Variants in MGME1 observed in about 807,000 individuals in gnomAD.
The protein encoded by MGME1 is mitochondrial genome maintenance exonuclease 1.
MGME1 carries 22 observed loss-of-function variants against 33.0 expected under a neutral mutation model. The observed-to-expected ratio is 0.67, with a 90% CI of 0.48 to 0.95. The LOEUF (loss-of-function observed/expected upper bound fraction) is 0.95, where lower values mean the gene tolerates loss of function less well. MGME1 is among the 40% of genes least tolerant of loss of function. The pLI is 0.00. For synonymous variants in MGME1, 133 were observed against 144.0 expected, an observed-to-expected ratio of 0.92 and a Z score of 0.55; for missense variants, 383 against 397.8, an observed-to-expected ratio of 0.96 and a Z score of 0.32.
upstream of MGME1, chr20:17,968,754 A>C (rs2035624385): frequency 5.3e-6 from 2 of 374,416 alleles, no homozygotes; most frequent in Non-Finnish European, 9.8e-6. Flanking sequence ...CACGGACGGG[A>C]AGCAACGGAC....
In MGME1 at chr20:17,990,205, T is replaced by G. The variant is rs747038364; in HGVS notation, c.*96T>G. 18 of 1,026,440 alleles carry G rather than the reference T, an allele frequency of 1.8e-5. 2 individuals are homozygous for G. In the South Asian group the frequency reaches 2.2e-4, roughly 13 times the overall value. 63.6% of individuals were successfully genotyped at this position (1,026,440 alleles called of 1,614,324 possible). A position where few individuals can be genotyped will look rare whatever the true frequency, so the allele number is the denominator to read the frequency against. On this transcript the variant is annotated 3_prime_UTR_variant, in exon 5 of 5. Coordinates refer to ENST00000377710, the MANE Select transcript of MGME1 (RefSeq NM_052865.4). ...AGTGTAAAAATGAGGTGCCACTGGA[T>G]CTGAGTGCTACACGAACACAAGTAG...
intron 3 of MGME1, among the ~76,000 whole-genome samples, chr20:17,980,849 G>A (rs913735494): frequency 6.6e-6 from 1 of 151,636 alleles, no homozygotes; most frequent in African/African-American, 2.4e-5. Flanking sequence ...ATATAGATCT[G>A]TAACATTCTT....
chr20:17,985,369 G>A (rs1455048278), intron 3 of MGME1, among the ~76,000 whole-genome samples: 1 of 152,014 alleles, frequency 6.6e-6, no homozygotes, highest in African/African-American at 2.4e-5. Flanking sequence ...GTTGCAGTGA[G>A]CCAAAATTGT....
At chr20:17,972,383 C>T (rs6080920) in intron 2 of MGME1, among the ~76,000 whole-genome samples, 4 of 150,554 alleles carry the variant, frequency 2.7e-5, no homozygotes, top group African/African-American at 9.8e-5. Flanking sequence ...CTGACTTATT[C>T]TGATTTATAT....
chr20:17,982,438 G>A (rs1191010521), intron 3 of MGME1, among the ~76,000 whole-genome samples: 3 of 152,158 alleles, frequency 2.0e-5, no homozygotes, highest in Non-Finnish European at 4.4e-5. Flanking sequence ...TTAGACGTGT[G>A]ATATATGCAG....
chr20:17,969,881 A>AC lies in MGME1; in HGVS notation c.24dup (p.Ile9HisfsTer37). On this transcript the variant is annotated frameshift_variant, in exon 2 of 5. Coordinates refer to ENST00000377710, the MANE Select transcript of MGME1 (RefSeq NM_052865.4). LOFTEE classifies it high-confidence loss of function. ...CTGAATGAAGATGAAGTTATTTCAG[A>AC]CCATTTGCAGGCAGCTCAGGAGTTC... 6.2e-7 allele frequency: 1 copy of AC among 1,610,192 alleles called. No individual in the cohort carries two copies. Among genetic ancestry groups the AC allele is most frequent in the Non-Finnish European group, 8.5e-7 (1 of 1,178,940 alleles).
intron 3 of MGME1, among the ~76,000 whole-genome samples, chr20:17,977,864 G>A (rs934505277): frequency 2.0e-5 from 3 of 152,080 alleles, no homozygotes; most frequent in African/African-American, 4.8e-5. Flanking sequence ...AGTTGCTCTC[G>A]TTCGAACGCC....
chr20:17,989,663 C>CA (rs1366251792), intron 4 of MGME1, among the ~76,000 whole-genome samples: 4 of 147,088 alleles, frequency 2.7e-5, no homozygotes. Context: ...GATCCTGTCT[C>CA]AAAAAAGAAA....
intron 3 of MGME1, among the ~76,000 whole-genome samples, chr20:17,985,817 G>A (rs1029838315): frequency 4.6e-5 from 7 of 152,206 alleles, no homozygotes; most frequent in African/African-American, 1.7e-4. Context: ...GTCTGGGTGT[G>A]TAGTAGGCTA....
chr20:17,981,952 C>T (rs749269553), intron 3 of MGME1, among the ~76,000 whole-genome samples: 6 of 151,610 alleles, frequency 4.0e-5, no homozygotes, highest in Non-Finnish European at 8.8e-5. Context: ...TGCACCTGGC[C>T]CTACTTCTCT....
At chr20:17,988,144 T>C (rs963950130) in intron 3 of MGME1, 22 bp from the exon 4 acceptor site, 1 of 1,600,334 alleles carries the variant, frequency 6.2e-7, no homozygotes, top group Non-Finnish European at 8.5e-7. Context: ...ACCTACAAAG[T>C]CTTCCTGTGG....
intron 3 of MGME1, among the ~76,000 whole-genome samples, chr20:17,983,854 C>G (rs563860405): frequency 1.3e-5 from 2 of 152,278 alleles, no homozygotes; most frequent in East Asian, 1.9e-4. Context: ...ATCCCCTTAT[C>G]AGATAGGTGG....
At chr20:17,977,710 A>C (rs550126488) in intron 3 of MGME1, among the ~76,000 whole-genome samples, 2 of 152,194 alleles carry the variant, frequency 1.3e-5, no homozygotes, top group Admixed American at 1.3e-4. Flanking sequence ...GGGTATCTGG[A>C]CACTCCCAAG....
chr20:17,975,810 T>G lies in MGME1; in HGVS notation c.638T>G (p.Leu213Arg). The G allele has an allele frequency of 6.2e-7, 1 of 1,614,182 alleles. No homozygotes were observed. The highest frequency in any genetic ancestry group is 1.7e-5 in the Admixed American group (1 of 60,020). Residue 213 changes from leucine (L) to arginine (R), a missense_variant, in exon 3 of 5, where the codon CTG becomes CGG. Transcript: ENST00000377710. The stretch of plus-strand genomic sequence containing the variant: ...TACATTGAAAGTGTCCAGCATATTC[T>G]GAAAGATGTCAGTGGAGTGCGAGCT... ...SGYIESVQHI[L>R]KDVSGVRALE...
At chr20:17,975,397 A>G (rs1053662870) in intron 2 of MGME1, among the ~76,000 whole-genome samples, 5 of 151,592 alleles carry the variant, frequency 3.3e-5, no homozygotes, top group Admixed American at 3.3e-4. Flanking sequence ...TCTCTACTAA[A>G]AGTAGAAAAA....
intron 4 of MGME1, 95 bp from the exon 5 acceptor site, chr20:17,989,844 A>G (rs2122638296): frequency 8.7e-7 from 1 of 1,155,162 alleles, no homozygotes; most frequent in Non-Finnish European, 1.2e-6. Flanking sequence ...CCTGTAGATT[A>G]TTTTATACTG....
chr20:17,971,697 G>GC (rs898686537), intron 2 of MGME1, among the ~76,000 whole-genome samples: 4 of 148,992 alleles, frequency 2.7e-5, no homozygotes, highest in Non-Finnish European at 4.5e-5. Flanking sequence ...AAGACTGGTT[G>GC]TTTTTTTTTT....
upstream of MGME1, chr20:17,968,669 G>A: frequency 5.1e-6 from 3 of 592,788 alleles, no homozygotes; most frequent in Non-Finnish European, 6.1e-6. Context: ...GTCCATCTTG[G>A]AGCCGGGCAA....
chr20:17,985,020 G>C lies in MGME1; in HGVS notation c.732-3146G>C, dbSNP rs374683813. ...CCACTGCACTCCAGCCTGGGTGACA[G>C]AGCAAGACTTTGTCTCAAAAAAAAA... On this transcript the variant is annotated intron_variant, in intron 3 of 4. Transcript: ENST00000377710. Among the ~76,000 whole-genome samples the C allele has an allele frequency of 3.6e-4, 43 of 118,694 alleles. No individual in the cohort carries two copies. In the South Asian group the frequency reaches 0.012, roughly 33 times the overall value. 77.9% of individuals were successfully genotyped at this position (118,694 alleles called of 152,430 possible).
Sources: gnomAD v4.1 joint callset for allele counts (sites outside exome capture counted in the v4.1 genomes callset) on GRCh38, gnomAD v4.1.1 for gene constraint, MANE v1.5 for transcripts, NCBI Gene and HGNC (gene_info 2026-07-23, HGNC 2026-07-21) for gene names.